The following WWOX variants were observed in gnomAD, a reference collection of about 807,000 sequenced individuals.
The protein encoded by WWOX is WW domain-containing oxidoreductase.
In WWOX, 69 loss-of-function variants were observed where a neutral mutation model predicts 46.2. That is an observed-to-expected ratio of 1.49 (90% CI 1.23 to 1.82). The LOEUF (loss-of-function observed/expected upper bound fraction) is 1.82. Ranked by LOEUF, WWOX falls within the 40% of genes most tolerant of loss-of-function variation. The pLI is 0.00. For missense variants in WWOX, 919 were observed against 542.6 expected (o/e 1.69, Z -6.89); for synonymous variants, 359 against 202.6 (o/e 1.77, Z -6.56).
chr16:78,371,266 AC>A (rs2081677104), intron 5 of WWOX, among the ~76,000 whole-genome samples: 1 of 152,174 alleles, frequency 6.6e-6, no homozygotes, highest in Non-Finnish European at 1.5e-5. Context: ...ATGACTCTCT[AC>A]AGATGGATAT....
intron 8 of WWOX, among the ~76,000 whole-genome samples, chr16:78,785,672 A>G (rs1196502792): frequency 6.6e-6 from 1 of 152,240 alleles, no homozygotes; most frequent in Non-Finnish European, 1.5e-5. Flanking sequence ...CCATTGTTGC[A>G]GTATAAAATT....
intron 8 of WWOX, among the ~76,000 whole-genome samples, chr16:78,733,380 A>G (rs1346199666): frequency 6.6e-6 from 1 of 152,074 alleles, no homozygotes; most frequent in Non-Finnish European, 1.5e-5. Flanking sequence ...GCTGGAGCCC[A>G]GGAGGTTGAG....
At chr16:78,928,975 G>T (rs1385982364) in intron 8 of WWOX, among the ~76,000 whole-genome samples, 2 of 152,138 alleles carry the variant, frequency 1.3e-5, no homozygotes, top group African/African-American at 4.8e-5. Context: ...ATGTATGCAT[G>T]CATATAAATG....
intron 8 of WWOX, among the ~76,000 whole-genome samples, chr16:79,180,051 G>T (rs1597451089): frequency 1.3e-5 from 2 of 151,990 alleles, no homozygotes; most frequent in East Asian, 3.9e-4. Context: ...TTTCCACTGA[G>T]TTGCTTTTTG....
intron 8 of WWOX, among the ~76,000 whole-genome samples, chr16:78,857,373 C>T (rs1156886036): frequency 6.6e-5 from 10 of 152,078 alleles, no homozygotes. Context: ...TGTTGGTGAG[C>T]ATGTAAGTAT....
At chr16:78,697,835 G>T (rs2048133261) in intron 8 of WWOX, among the ~76,000 whole-genome samples, 1 of 152,040 alleles carries the variant, frequency 6.6e-6, no homozygotes, top group African/African-American at 2.4e-5. Context: ...TATCTGTTTT[G>T]GTCCTGACAA....
chr16:78,462,970 G>C (rs1295736472), intron 8 of WWOX, among the ~76,000 whole-genome samples: 3 of 152,198 alleles, frequency 2.0e-5, no homozygotes, highest in East Asian at 1.9e-4. Flanking sequence ...CTGTGATTTT[G>C]TAAATGTCCT....
At chr16:78,355,235 C>T (rs995341808) in intron 5 of WWOX, among the ~76,000 whole-genome samples, 3 of 43,340 alleles carry the variant, frequency 6.9e-5, no homozygotes, top group East Asian at 6.8e-4. Context: ...AGTCATTGCT[C>T]CTGTGTGTGT....
intron 5 of WWOX, among the ~76,000 whole-genome samples, chr16:78,259,786 T>C (rs1416684449): frequency 6.6e-6 from 1 of 151,330 alleles, no homozygotes; most frequent in Non-Finnish European, 1.5e-5. Flanking sequence ...ACTTTTTTTT[T>C]ACCTAGGAAT....
intron 5 of WWOX, among the ~76,000 whole-genome samples, chr16:78,296,795 A>G (rs2079950143): frequency 6.6e-6 from 1 of 152,174 alleles, no homozygotes; most frequent in Admixed American, 6.5e-5. Flanking sequence ...GTTATTATTT[A>G]GTTTAGGAAT....
intron 8 of WWOX, among the ~76,000 whole-genome samples, chr16:78,532,822 C>A (rs1001785733): frequency 6.6e-6 from 1 of 152,146 alleles, no homozygotes; most frequent in Non-Finnish European, 1.5e-5. Flanking sequence ...AGTTACCTCC[C>A]ACCTGGTCCC....
intron 8 of WWOX, among the ~76,000 whole-genome samples, chr16:79,143,482 T>C (rs529238072): frequency 6.6e-5 from 10 of 152,200 alleles, no homozygotes; most frequent in Non-Finnish European, 1.3e-4. Context: ...TCTTCGACTT[T>C]AATAGATTTT....
chr16:78,695,730 C>G (rs1210218091), intron 8 of WWOX, among the ~76,000 whole-genome samples: 1 of 152,158 alleles, frequency 6.6e-6, no homozygotes, highest in African/African-American at 2.4e-5. Context: ...GCCAAGAGAA[C>G]CAAGAGCCAG....
chr16:78,734,615 G>C (rs987230018), intron 8 of WWOX, among the ~76,000 whole-genome samples: 1 of 151,890 alleles, frequency 6.6e-6, no homozygotes, highest in Non-Finnish European at 1.5e-5. Flanking sequence ...ACTTGATTAG[G>C]TCCCAGTCAC....
At chr16:79,194,940 G>A (rs991730207) in intron 8 of WWOX, among the ~76,000 whole-genome samples, 2 of 152,166 alleles carry the variant, frequency 1.3e-5, no homozygotes, top group Non-Finnish European at 2.9e-5. Context: ...CAGGCAGAAT[G>A]AGATGAGTAG....
chr16:78,764,373 T>G (rs1351762001), intron 8 of WWOX, among the ~76,000 whole-genome samples: 3 of 151,048 alleles, frequency 2.0e-5, no homozygotes, highest in Non-Finnish European at 4.4e-5. Flanking sequence ...GGAGGCCGCC[T>G]CCTCCTCCAG....
intron 8 of WWOX, among the ~76,000 whole-genome samples, chr16:79,082,519 CTG>C (rs2048779457): frequency 6.6e-6 from 1 of 152,184 alleles, no homozygotes; most frequent in South Asian, 2.1e-4. Context: ...CCCAAAGGAA[CTG>C]TGTGCCTCGC....
At chr16:78,555,062 G>A (rs1048804077) in intron 8 of WWOX, among the ~76,000 whole-genome samples, 1 of 151,890 alleles carries the variant, frequency 6.6e-6, no homozygotes, top group South Asian at 2.1e-4. Flanking sequence ...GGAGACATTG[G>A]TGGGGGCCAG....
In WWOX at chr16:78,405,459, G is replaced by T. The variant is rs370694664; in HGVS notation, c.605+18511G>T. On this transcript the variant is annotated intron_variant, in intron 6 of 8. Transcript: ENST00000566780. Reference sequence around the variant, plus strand: ...TTTCAAATTTAAAGGAATAGCTGATGGTCACTGGCCACCCAAGCTGATACT... The same window carrying T: ...TTTCAAATTTAAAGGAATAGCTGATTGTCACTGGCCACCCAAGCTGATACT... 6.6e-5 allele frequency among the ~76,000 whole-genome samples: 10 copies of T among 152,256 alleles called. 1 individual carries two copies. The highest frequency in any genetic ancestry group is 2.4e-4 in the African/African-American group (10 of 41,540).
Sources: gnomAD v4.1 joint callset for allele counts (sites outside exome capture counted in the v4.1 genomes callset) on GRCh38, gnomAD v4.1.1 for gene constraint, MANE v1.5 for transcripts, NCBI Gene and HGNC (gene_info 2026-07-23, HGNC 2026-07-21) for gene names.